Variants in ERN1 observed in about 807,000 individuals in gnomAD.
The protein encoded by ERN1 is serine/threonine-protein kinase/endoribonuclease IRE1.
In ERN1, 39 loss-of-function variants were observed where a neutral mutation model predicts 113.1. That is an observed-to-expected ratio of 0.34 (90% CI 0.27 to 0.45). The LOEUF (loss-of-function observed/expected upper bound fraction) is 0.45. Ranked by LOEUF, ERN1 falls within the 20% of genes least tolerant of loss-of-function variation. The pLI, the probability that ERN1 is intolerant of heterozygous loss-of-function variation, is 1.00. For synonymous variants in ERN1, 507 were observed against 515.9 expected (o/e 0.98, Z 0.23); for missense variants, 976 against 1,274.8 (o/e 0.77, Z 3.57).
intron 2 of ERN1, among the ~76,000 whole-genome samples, chr17:64,089,062 G>A (rs746786928): frequency 6.6e-6 from 1 of 152,262 alleles, no homozygotes; most frequent in East Asian, 1.9e-4. Flanking sequence ...GCTCACGCCT[G>A]TAATCCCAGC....
Position 64,054,714 on chromosome 17 carries a change from C to G in ERN1, c.1763+24G>C. 6.4e-7 allele frequency: 1 copy of G among 1,566,140 alleles called. No homozygotes were observed. Among genetic ancestry groups the G allele is most frequent in the Non-Finnish European group, 8.7e-7 (1 of 1,147,150 alleles). ...GCACTTAGACACCAGGCGGTGAGGG[C>G]AGGGGGCTGGCTAATCCACTCACCG... On this transcript the variant is annotated intron_variant, in intron 14 of 21. Coordinates refer to ENST00000433197, the MANE Select transcript of ERN1 (RefSeq NM_001433.5). This position sits in a 1 kb window ranked among gnomAD's most constrained non-coding sequence, Gnocchi z 4.9.
chr17:64,054,085 A>G lies in ERN1; in HGVS notation c.1953+165T>C, dbSNP rs169063. 562,911 of 571,460 alleles carry G rather than the reference A, an allele frequency of 0.99. 277,771 individuals carry two copies. The highest frequency in any genetic ancestry group is 1 in the East Asian group (31,558 of 31,558). 35.4% of individuals were successfully genotyped at this position (571,460 alleles called of 1,614,324 possible). ...CTCCCAAGTAGCTGGGGCTACAGGA[A>G]CACATCGCTAGGCCTGGCTAATTTT... On this transcript the variant is annotated intron_variant, in intron 15 of 21. Transcript: ENST00000433197. This position sits in a 1 kb window ranked among gnomAD's most constrained non-coding sequence, Gnocchi z 4.9.
At position 64,044,522 on chromosome 17, in the gene ERN1, T is replaced by C. The variant is rs196913; in HGVS notation, c.2722-322A>G. On this transcript the variant is annotated intron_variant, in intron 21 of 21. Transcript: ENST00000433197. The surrounding 1 kb of genome is among the most constrained non-coding windows in gnomAD (Gnocchi z 4.1). ...CCTGAGATTGGAGTGTCCGTCCCAG[T>C]GGGGTCCCCGCATTTGAGGTATGTT... Among the ~76,000 whole-genome samples the C allele has an allele frequency of 0.96, 146,565 of 152,248 alleles. 70,809 individuals carry two copies. Among genetic ancestry groups the C allele is most frequent in the East Asian group, 1 (5,150 of 5,150 alleles).
intron 1 of ERN1, 36 bp downstream of exon 1, chr17:64,129,940 G>A (rs1471608118): frequency 2.1e-6 from 3 of 1,411,000 alleles, no homozygotes; most frequent in Non-Finnish European, 1.8e-6. Context: ...CGGCCGTCGC[G>A]AGCTGTCCTC....
At chr17:64,046,359 C>T (rs892017678) in intron 19 of ERN1, among the ~76,000 whole-genome samples, 5 of 152,140 alleles carry the variant, frequency 3.3e-5, no homozygotes, top group African/African-American at 9.7e-5. Flanking sequence ...CAGGTGTGTT[C>T]GAGAGACATA....
rs1912416110 is a variant in ERN1 at position 64,043,826 on chromosome 17, T to C, written c.*162A>G. On this transcript the variant is annotated 3_prime_UTR_variant, in exon 22 of 22. Coordinates refer to ENST00000433197, the MANE Select transcript of ERN1 (RefSeq NM_001433.5). ...ACGAGGGGCCACTTCTCCCACTTCC[T>C]GGGGTCAGCACTGTCCTCTGTGGGC... 1.9e-6 allele frequency: 1 copy of C among 514,768 alleles called. No individual in the cohort carries two copies. Among genetic ancestry groups the C allele is most frequent in the Non-Finnish European group, 3.4e-6 (1 of 292,098 alleles). 31.9% of individuals were successfully genotyped at this position (514,768 alleles called of 1,614,324 possible). A position where few individuals can be genotyped will look rare whatever the true frequency, so the allele number is the denominator to read the frequency against.
chr17:64,113,559 G>C lies in ERN1; in HGVS notation c.55-15318C>G, dbSNP rs139518842. On this transcript the variant is annotated intron_variant, in intron 1 of 21. Coordinates refer to ENST00000433197, the MANE Select transcript of ERN1 (RefSeq NM_001433.5). Reference sequence around the variant, plus strand: ...GAGTCTCGCTCTGTCACCCAGGCTGGAGTGCAGTGGCGTGATCCCGGCTCA... The same window carrying C: ...GAGTCTCGCTCTGTCACCCAGGCTGCAGTGCAGTGGCGTGATCCCGGCTCA... Among the ~76,000 whole-genome samples the C allele has an allele frequency of 1.9e-3, 283 of 151,954 alleles. 1 individual carries two copies. The highest frequency in any genetic ancestry group is 0.01 in the Middle Eastern group (3 of 294).
chr17:64,095,608 G>C (rs536282209), intron 2 of ERN1, among the ~76,000 whole-genome samples: 2 of 151,902 alleles, frequency 1.3e-5, no homozygotes, highest in Admixed American at 6.6e-5. Flanking sequence ...CCTGTTTCTA[G>C]TCATCCCACA....
intron 1 of ERN1, among the ~76,000 whole-genome samples, chr17:64,115,336 G>C (rs1043889790): frequency 6.6e-6 from 1 of 152,148 alleles, no homozygotes; most frequent in Non-Finnish European, 1.5e-5. Flanking sequence ...CTGCCCCTAA[G>C]CTGGACTCTT....
intron 2 of ERN1, among the ~76,000 whole-genome samples, chr17:64,094,448 G>C (rs140972370): frequency 1.3e-5 from 2 of 152,062 alleles, no homozygotes; most frequent in Non-Finnish European, 2.9e-5. Flanking sequence ...CTGTGTATAC[G>C]TAGTTTACTG....
intron 1 of ERN1, among the ~76,000 whole-genome samples, chr17:64,124,369 G>T (rs1209742147): frequency 2.6e-5 from 4 of 152,220 alleles, no homozygotes; most frequent in Non-Finnish European, 5.9e-5. Context: ...TCAATGGATG[G>T]ATGATATGGT....
chr17:64,045,311 G>T (rs773781658), intron 20 of ERN1, 48 bp downstream of exon 20: 3 of 1,611,270 alleles, frequency 1.9e-6, no homozygotes, highest in Admixed American at 1.7e-5. Context: ...TTGGAAAGGC[G>T]GCAGCGACTT....
chr17:64,069,686 T>G, intron 6 of ERN1, among the ~76,000 whole-genome samples: 1 of 152,162 alleles, frequency 6.6e-6, no homozygotes, highest in South Asian at 2.1e-4. Context: ...TTACTGCAGC[T>G]ATCCTGTCTC....
At position 64,053,077 on chromosome 17, in the gene ERN1, C is replaced by A. The variant is rs1434070585; in HGVS notation, c.2054-98G>T. On this transcript the variant is annotated intron_variant, in intron 16 of 21. Transcript: ENST00000433197. ...CCTCGTCAGACTCCCAATATGCCTG[C>A]CGCCACCTCCAAATGTTCTGATTTT... The A allele has an allele frequency of 4.8e-6, 5 of 1,033,154 alleles. No homozygotes were observed. The African/African-American group carries it at 8.0e-5, about 17-fold the overall frequency. 64.0% of individuals were successfully genotyped at this position (1,033,154 alleles called of 1,614,324 possible).
chr17:64,129,719 G>C (rs1430121461), intron 1 of ERN1: 1 of 381,370 alleles, frequency 2.6e-6, no homozygotes, highest in Admixed American at 4.5e-5. Flanking sequence ...GCCGCTGCCC[G>C]TGACAGCCGC....
chr17:64,054,049 C>T lies in ERN1; in HGVS notation c.1953+201G>A, dbSNP rs2143336415. On this transcript the variant is annotated intron_variant, in intron 15 of 21. Transcript: ENST00000433197. The surrounding 1 kb of genome is among the most constrained non-coding windows in gnomAD (Gnocchi z 4.9). ...TGATCTCCCAGGCTCAAGCAATCTT[C>T]CCACCTCAGCCTCCCAAGTAGCTGG... 1 of 505,144 alleles carries T rather than the reference C, an allele frequency of 2.0e-6. No homozygotes were observed. 31.3% of individuals were successfully genotyped at this position (505,144 alleles called of 1,614,324 possible). A position where few individuals can be genotyped will look rare whatever the true frequency, so the allele number is the denominator to read the frequency against.
intron 8 of ERN1, 23 bp from the exon 9 acceptor site, chr17:64,065,310 C>A: frequency 2.6e-6 from 4 of 1,534,098 alleles, no homozygotes; most frequent in Middle Eastern, 3.4e-4. Flanking sequence ...CAGATACATG[C>A]ATTCCAGAGT....
intron 12 of ERN1, among the ~76,000 whole-genome samples, chr17:64,056,171 A>G (rs1001493885): frequency 6.6e-6 from 1 of 152,016 alleles, no homozygotes; most frequent in African/African-American, 2.4e-5. Context: ...CCACTCCCCA[A>G]CCCTAGGAGG....
chr17:64,100,738 C>T (rs1215207541), intron 1 of ERN1, among the ~76,000 whole-genome samples: 1 of 152,094 alleles, frequency 6.6e-6, no homozygotes, highest in Admixed American at 6.5e-5. Context: ...GCCAAGGTCA[C>T]ACCACTGCAC....
Sources: allele counts gnomAD v4.1 joint callset (sites outside exome capture counted in the v4.1 genomes callset), GRCh38; gene constraint gnomAD v4.1.1; non-coding constraint Gnocchi (gnomAD v3.1); transcripts MANE v1.5; gene names NCBI Gene and HGNC (gene_info 2026-07-23, HGNC 2026-07-21).